The following CNGA1 variants were observed in gnomAD, a reference collection of about 807,000 sequenced individuals.
The protein encoded by CNGA1 is cyclic nucleotide-gated channel alpha-1.
In CNGA1, 53 loss-of-function variants were observed where a neutral mutation model predicts 69.7. The observed-to-expected ratio is 0.76, with a 90% confidence interval of 0.61 to 0.96. CNGA1 has a LOEUF of 0.96. CNGA1 is among the 40% of genes least tolerant of loss of function. The pLI is 0.00. For missense variants in CNGA1, 739 were observed against 811.2 expected, an observed-to-expected ratio of 0.91 and a Z score of 1.08; for synonymous variants, 249 against 283.5, an observed-to-expected ratio of 0.88 and a Z score of 1.22.
At chr4:47,965,488 G>T (rs1740673133) in intron 3 of CNGA1, among the ~76,000 whole-genome samples, 1 of 150,588 alleles carries the variant, frequency 6.6e-6, no homozygotes, top group South Asian at 2.1e-4. Context: ...GTACGGTGGT[G>T]TGTTCTCAGC....
intron 3 of CNGA1, among the ~76,000 whole-genome samples, chr4:47,958,208 AC>A (rs772771989): frequency 5.9e-5 from 9 of 151,902 alleles, no homozygotes; most frequent in Non-Finnish European, 1.2e-4. Context: ...TTTTATATAC[AC>A]CTCTGTTTAA....
chr4:47,994,072 T>C (rs1409288484), intron 2 of CNGA1, among the ~76,000 whole-genome samples: 2 of 152,150 alleles, frequency 1.3e-5, no homozygotes, highest in East Asian at 1.9e-4. Flanking sequence ...CTTAAATTTA[T>C]TGAGGCTCAT....
chr4:48,009,499 T>C (rs962267126), intron 2 of CNGA1, among the ~76,000 whole-genome samples: 1 of 145,876 alleles, frequency 6.9e-6, no homozygotes, highest in African/African-American at 2.5e-5. Context: ...ACTTAAATCA[T>C]GTAAACTTGA....
chr4:48,011,900 C>A (rs565879702), intron 1 of CNGA1, among the ~76,000 whole-genome samples: 1 of 152,024 alleles, frequency 6.6e-6, no homozygotes, highest in Non-Finnish European at 1.5e-5. Flanking sequence ...TTAATAGTGG[C>A]GGCCCTTAAA....
intron 2 of CNGA1, among the ~76,000 whole-genome samples, chr4:48,004,226 C>T (rs1019392818): frequency 6.6e-6 from 1 of 152,224 alleles, no homozygotes; most frequent in Non-Finnish European, 1.5e-5. Flanking sequence ...ACCCATGTGG[C>T]CTTACCTATC....
chr4:47,951,464 A>C lies in CNGA1; in HGVS notation c.113T>G (p.Phe38Cys). Reference protein sequence around the residue: ...RRMENGACSSFSEDDDSASTS... With the variant: ...RRMENGACSSCSEDDDSASTS... ...AGAGGCACTGTCATCATCCTCAGAA[A>C]AGGAGCTACAGTCCAATAGGAGGCA... Residue 38 changes from phenylalanine to cysteine, a missense_variant, in exon 5 of 11, where the codon TTT becomes TGT. Physicochemically the swap from Phe to Cys is radical, Grantham distance 205 (BLOSUM62 -2). Coordinates refer to ENST00000514170, the MANE Select transcript of CNGA1 (RefSeq NM_001379270.1). The C allele has an allele frequency of 5.6e-6, 9 of 1,604,828 alleles. No individual in the cohort carries two copies. Among genetic ancestry groups the C allele is most frequent in the Non-Finnish European group, 7.7e-6 (9 of 1,171,730 alleles).
At chr4:47,945,485 T>C (rs1739344439) in intron 6 of CNGA1, among the ~76,000 whole-genome samples, 1 of 152,156 alleles carries the variant, frequency 6.6e-6, no homozygotes, top group African/African-American at 2.4e-5. Context: ...TGGCACAGGA[T>C]CCATGTTGAT....
intron 3 of CNGA1, among the ~76,000 whole-genome samples, chr4:47,978,277 G>A (rs1489376985): frequency 6.6e-6 from 1 of 151,616 alleles, no homozygotes; most frequent in Non-Finnish European, 1.5e-5. Flanking sequence ...TTTAATTTTT[G>A]GATTAATTTT....
rs1396526877 is a variant in CNGA1, at chr4:47,940,809, T to C, written c.606A>G (p.Val202=). Residue 202 remains valine, a synonymous_variant, in exon 10 of 11, where the codon GTA becomes GTG. Transcript: ENST00000514170. ...TATCGATTAAATAGACTATGTCTGA[T>C]ACGTAATCCAAAATGAGCCAATATT... The part of the protein sequence containing the change: ...YLEYWLILDY[V]SDIVYLIDMF... 1.2e-6 allele frequency: 2 copies of C among 1,612,272 alleles called. No homozygotes were observed. Among genetic ancestry groups the C allele is most frequent in the Non-Finnish European group, 8.5e-7 (1 of 1,178,488 alleles).
intron 2 of CNGA1, among the ~76,000 whole-genome samples, chr4:47,994,969 T>G (rs1328621664): frequency 6.6e-6 from 1 of 152,194 alleles, no homozygotes; most frequent in Non-Finnish European, 1.5e-5. Flanking sequence ...AATTGTTGGC[T>G]GATAATTGTT....
intron 2 of CNGA1, among the ~76,000 whole-genome samples, chr4:48,000,375 T>G (rs1214352183): frequency 1.3e-5 from 1 of 75,162 alleles, no homozygotes; most frequent in Non-Finnish European, 2.6e-5. Context: ...ACAATAAGTG[T>G]TTTTTTTTTT....
At chr4:47,966,563 T>C (rs1740737104) in intron 3 of CNGA1, among the ~76,000 whole-genome samples, 1 of 152,244 alleles carries the variant, frequency 6.6e-6, no homozygotes, top group Non-Finnish European at 1.5e-5. Flanking sequence ...AAAGGATTCC[T>C]GAATCACACC....
At chr4:48,005,307 G>C (rs564726948) in intron 2 of CNGA1, among the ~76,000 whole-genome samples, 1 of 151,850 alleles carries the variant, frequency 6.6e-6, no homozygotes, top group African/African-American at 2.4e-5. Context: ...TAGTAGAGAT[G>C]GGGTTTCTCC....
At chr4:47,945,050 C>A (rs1458238734) in intron 6 of CNGA1, among the ~76,000 whole-genome samples, 2 of 151,916 alleles carry the variant, frequency 1.3e-5, no homozygotes, top group Non-Finnish European at 2.9e-5. Flanking sequence ...AGGTTGAGGG[C>A]AACTTACTCC....
intron 2 of CNGA1, among the ~76,000 whole-genome samples, chr4:48,005,913 T>C (rs1345379624): frequency 1.3e-5 from 2 of 152,244 alleles, no homozygotes; most frequent in Non-Finnish European, 2.9e-5. Flanking sequence ...TACTCACAAA[T>C]AGTTTCCAAA....
intron 3 of CNGA1, among the ~76,000 whole-genome samples, chr4:47,973,609 C>T (rs1741164738): frequency 6.6e-6 from 1 of 151,888 alleles, no homozygotes; most frequent in Admixed American, 6.6e-5. Flanking sequence ...AAAATATATA[C>T]CTTTGTAAAA....
At chr4:48,007,603 T>C (rs756684146) in intron 2 of CNGA1, among the ~76,000 whole-genome samples, 6 of 152,184 alleles carry the variant, frequency 3.9e-5, no homozygotes, top group Admixed American at 6.5e-5. Context: ...CAAAGCCCTG[T>C]AACTTAATGT....
intron 3 of CNGA1, among the ~76,000 whole-genome samples, chr4:47,972,166 A>G (rs1048059363): frequency 6.6e-6 from 1 of 152,226 alleles, no homozygotes; most frequent in Non-Finnish European, 1.5e-5. Flanking sequence ...GAAATTATCT[A>G]TGCTAATATA....
intron 3 of CNGA1, among the ~76,000 whole-genome samples, chr4:47,953,850 C>A (rs1300974781): frequency 6.6e-6 from 1 of 152,120 alleles, no homozygotes; most frequent in African/African-American, 2.4e-5. Context: ...CAGGGAAGTG[C>A]TGGGTAGAGA....
Sources: allele counts gnomAD v4.1 joint callset (sites outside exome capture counted in the v4.1 genomes callset), GRCh38; gene constraint gnomAD v4.1.1; transcripts MANE v1.5; gene names NCBI Gene and HGNC (gene_info 2026-07-23, HGNC 2026-07-21).